ANTXR2: variants seen among roughly 807,000 people sequenced by gnomAD.
ANTXR2 encodes the protein anthrax toxin receptor 2.
ANTXR2 carries 44 observed loss-of-function variants against 73.7 expected under a neutral mutation model. The ratio of observed to expected loss-of-function variants is 0.60; its 90% CI spans 0.47 to 0.77. ANTXR2 has a LOEUF of 0.77. Ranked by LOEUF, ANTXR2 falls within the 30% of genes least tolerant of loss-of-function variation. The pLI, the probability that ANTXR2 is intolerant of heterozygous loss-of-function variation, is 0.00. For synonymous variants in ANTXR2, 217 were observed against 205.9 expected (o/e 1.05, Z -0.46); for missense variants, 604 against 592.5 (o/e 1.02, Z -0.20).
At position 80,054,295 on chromosome 4, in the gene ANTXR2, C is replaced by A. The variant is rs781512521; in HGVS notation, c.613G>T (p.Ala205Ser). ...QVFPVKGGFQ[A>S]LKGIINSILA... ...ACAGAATTAATTATTCCTTTAAGAG[C>A]CTGAAATCCACCTTTGACAGGGAAA... The change falls in exon 7 of 17, where the codon GCT (alanine) becomes TCT (serine). Residue 205 changes from alanine (A) to serine (S), a missense_variant. Ala to Ser is a moderately conservative substitution (Grantham distance 99). Transcript: ENST00000403729. 1.9e-6 allele frequency: 3 copies of A among 1,598,306 alleles called. No homozygotes were observed. The highest frequency in any genetic ancestry group is 3.4e-5 in the Admixed American group (2 of 57,976).
intron 12 of ANTXR2, among the ~76,000 whole-genome samples, chr4:80,006,760 C>T (rs766985937): frequency 3.3e-5 from 5 of 152,052 alleles, no homozygotes; most frequent in Admixed American, 6.6e-5. Context: ...TATTTGAGCA[C>T]ATTTCATTTT....
At position 80,072,651 on chromosome 4, in the gene ANTXR2, T is replaced by C; in HGVS notation, c.-91A>G. ...GTGGCGGGAGTCACCCGGCACGCAC[T>C]CTGGGGTGGGGGGCGGCGAGCAGCT... On this transcript the variant is annotated 5_prime_UTR_variant, in exon 1 of 17. Transcript: ENST00000403729. 1 of 1,345,148 alleles carries C rather than the reference T, an allele frequency of 7.4e-7. No individual in the cohort carries two copies. The highest frequency in any genetic ancestry group is 9.5e-7 in the Non-Finnish European group (1 of 1,051,084). The allele number at this position is 1,345,148 out of a possible 1,614,324, so 83.3% of individuals were successfully genotyped here. A position where few individuals can be genotyped will look rare whatever the true frequency, so the allele number is the denominator to read the frequency against.
chr4:79,903,771 ATG>A lies in ANTXR2; in HGVS notation c.*3656_*3657del, dbSNP rs1305162449. On this transcript the variant is annotated 3_prime_UTR_variant, in exon 17 of 17. Coordinates refer to ENST00000403729, the MANE Select transcript of ANTXR2 (RefSeq NM_058172.6). Reference sequence around the variant, plus strand: ...CACCTGCCTGTTTCTTTCCTTAACTATGTAACAGATGTACCAAGAGTTATTCT... The same window carrying A: ...CACCTGCCTGTTTCTTTCCTTAACTATAACAGATGTACCAAGAGTTATTCT... 1.3e-5 allele frequency: 2 copies of A among 152,178 alleles called. No individual in the cohort carries two copies. The highest frequency in any genetic ancestry group is 2.9e-5 in the Non-Finnish European group (2 of 68,026). 9.4% of individuals were successfully genotyped at this position (152,178 alleles called of 1,614,324 possible).
intron 16 of ANTXR2, among the ~76,000 whole-genome samples, chr4:79,943,915 C>G (rs1008461802): frequency 6.7e-6 from 1 of 150,108 alleles, no homozygotes; most frequent in Non-Finnish European, 1.5e-5. Flanking sequence ...CAAAAGTTAT[C>G]ATGAGTTTGA....
rs1367541763 is a variant in ANTXR2 at position 80,023,164 on chromosome 4, T to C, written c.867-4188A>G. Among the ~76,000 whole-genome samples, 9 of 152,352 alleles carry C rather than the reference T, an allele frequency of 5.9e-5. No individual in the cohort carries two copies. The South Asian group carries it at 1.4e-3, about 25-fold the overall frequency. ...TTAATTTCTATTCTGCTCACTGCCATATAAAAATATTGTAAGCTAAATTGT... is the reference window on the plus strand; with the variant it reads ...TTAATTTCTATTCTGCTCACTGCCACATAAAAATATTGTAAGCTAAATTGT... On this transcript the variant is annotated intron_variant, in intron 10 of 16. Coordinates refer to ENST00000403729, the MANE Select transcript of ANTXR2 (RefSeq NM_058172.6).
chr4:79,949,313 T>C (rs1728621736), intron 16 of ANTXR2, among the ~76,000 whole-genome samples: 1 of 152,164 alleles, frequency 6.6e-6, no homozygotes, highest in Non-Finnish European at 1.5e-5. Flanking sequence ...ATTATTCCAA[T>C]GCAAGACATT....
In ANTXR2 at chr4:79,946,583, G is replaced by C. The variant is rs72871883; in HGVS notation, c.1428+31038C>G. Reference sequence around the variant, plus strand: ...GGGTGGAGGGGAATTTCCTGAAGAGGGGCTCAACTGCAAATTGTCAGTAGC... The same window carrying C: ...GGGTGGAGGGGAATTTCCTGAAGAGCGGCTCAACTGCAAATTGTCAGTAGC... On this transcript the variant is annotated intron_variant, in intron 16 of 16. Transcript: ENST00000403729. Among the ~76,000 whole-genome samples, 1,277 of 151,998 alleles carry C rather than the reference G, an allele frequency of 8.4e-3. 15 individuals are homozygous for C. Among genetic ancestry groups the C allele is most frequent in the African/African-American group, 0.029 (1,209 of 41,438 alleles).
In ANTXR2 at chr4:79,907,088, T is replaced by C. The variant is rs1353513758; in HGVS notation, c.*341A>G. The C allele has an allele frequency of 1.6e-5, 5 of 306,262 alleles. No homozygotes were observed. The highest frequency in any genetic ancestry group is 3.0e-5 in the Non-Finnish European group (5 of 167,142). The allele number at this position is 306,262 out of a possible 1,614,324, so 19.0% of individuals were successfully genotyped here. A position where few individuals can be genotyped will look rare whatever the true frequency, so the allele number is the denominator to read the frequency against. ...TTTTGTGGTCCTTGTTTTGGTATCA[T>C]CTTCGTGTTGTTGCTGTTGTTGCTT... On this transcript the variant is annotated 3_prime_UTR_variant, in exon 17 of 17. Coordinates refer to ENST00000403729, the MANE Select transcript of ANTXR2 (RefSeq NM_058172.6).
In ANTXR2 at chr4:79,905,000, C is replaced by T. The variant is rs995476496; in HGVS notation, c.*2429G>A. On this transcript the variant is annotated 3_prime_UTR_variant, in exon 17 of 17. Transcript: ENST00000403729. ...CAGATCTGGTTCATATCTTTAAGGG[C>T]AATGAAATTCCATCAGTCTTTGAAC... 6.6e-6 allele frequency: 1 copy of T among 152,070 alleles called. No individual in the cohort carries two copies. Among genetic ancestry groups the T allele is most frequent in the Non-Finnish European group, 1.5e-5 (1 of 68,008 alleles). The allele number at this position is 152,070 out of a possible 1,614,324, so 9.4% of individuals were successfully genotyped here.
At chr4:79,933,037 C>G (rs1728121704) in intron 16 of ANTXR2, among the ~76,000 whole-genome samples, 1 of 152,066 alleles carries the variant, frequency 6.6e-6, no homozygotes, top group Non-Finnish European at 1.5e-5. Flanking sequence ...ACAATACCCC[C>G]ACTTAAAATA....
intron 7 of ANTXR2, among the ~76,000 whole-genome samples, chr4:80,051,232 C>T (rs1238288354): frequency 1.1e-4 from 16 of 151,626 alleles, no homozygotes; most frequent in African/African-American, 2.4e-5. Context: ...ATTTCTTATC[C>T]CCTAAGGTGA....
chr4:80,061,468 A>C (rs757751940), intron 3 of ANTXR2, among the ~76,000 whole-genome samples: 3 of 152,196 alleles, frequency 2.0e-5, no homozygotes, highest in Non-Finnish European at 4.4e-5. Context: ...ATAGATTATT[A>C]GCCACAGACT....
intron 7 of ANTXR2, among the ~76,000 whole-genome samples, chr4:80,036,725 C>CA (rs1180797671): frequency 2.6e-5 from 4 of 152,026 alleles, no homozygotes; most frequent in Admixed American, 2.0e-4. Flanking sequence ...CGCTTTAACA[C>CA]AGCAATGAGC....
In ANTXR2 at chr4:79,983,968, C is replaced by T. The variant is rs1291716578; in HGVS notation, c.1089G>A (p.Glu363=). 6.3e-7 allele frequency: 1 copy of T among 1,581,002 alleles called. No homozygotes were observed. Residue 363 remains glutamate (E), a splice_region_variant and synonymous_variant, in exon 14 of 17, where the codon GAG becomes GAA. Coordinates refer to ENST00000403729, the MANE Select transcript of ANTXR2 (RefSeq NM_058172.6). ...PPPPAPAPKE[E]EEEPLPTKKW... is the part of the protein sequence containing the mutation. The stretch of plus-strand genomic sequence containing the variant: ...TTTTAGTAGGCAAAGGTTCTTCTTC[C>T]TCCTGTGGAAATATGTTTTATAAAT...
chr4:79,924,650 G>A (rs1033118345), intron 16 of ANTXR2, among the ~76,000 whole-genome samples: 2 of 152,026 alleles, frequency 1.3e-5, no homozygotes, highest in Non-Finnish European at 2.9e-5. Flanking sequence ...TAACTCCATG[G>A]CAGGACTAGA....
At chr4:79,979,454 G>A (rs867835662) in intron 14 of ANTXR2, among the ~76,000 whole-genome samples, 4 of 152,116 alleles carry the variant, frequency 2.6e-5, no homozygotes, top group Middle Eastern at 3.4e-3. Flanking sequence ...ATCTGAATTA[G>A]TGGGTAGGGA....
In ANTXR2 at chr4:79,902,505, C is replaced by T. The variant is rs918762509; in HGVS notation, c.*4924G>A. 2.0e-5 allele frequency: 3 copies of T among 152,194 alleles called. No homozygotes were observed. Among genetic ancestry groups the T allele is most frequent in the Non-Finnish European group, 2.9e-5 (2 of 67,994 alleles). The allele number at this position is 152,194 out of a possible 1,614,324, so 9.4% of individuals were successfully genotyped here. Reference sequence around the variant, plus strand: ...TTATTAAAACTGGGAGCATAAATATCTCCTAACAATCTCTGTGCTTCTTTA... The same window carrying T: ...TTATTAAAACTGGGAGCATAAATATTTCCTAACAATCTCTGTGCTTCTTTA... On this transcript the variant is annotated 3_prime_UTR_variant, in exon 17 of 17. Coordinates refer to ENST00000403729, the MANE Select transcript of ANTXR2 (RefSeq NM_058172.6).
chr4:80,068,224 T>G (rs560747623), intron 3 of ANTXR2, among the ~76,000 whole-genome samples: 148 of 152,330 alleles, frequency 9.7e-4, no homozygotes, highest in African/African-American at 3.5e-3. Flanking sequence ...AAGGGAAAAC[T>G]TAATTTACAA....
At chr4:80,011,164 A>G (rs528369463) in intron 11 of ANTXR2, among the ~76,000 whole-genome samples, 2 of 152,148 alleles carry the variant, frequency 1.3e-5, no homozygotes, top group South Asian at 4.1e-4. Context: ...TAAATTAAAT[A>G]AATTAATTAA....
Sources: gnomAD v4.1 joint callset for allele counts (sites outside exome capture counted in the v4.1 genomes callset) on GRCh38, gnomAD v4.1.1 for gene constraint, MANE v1.5 for transcripts, NCBI Gene and HGNC (gene_info 2026-07-23, HGNC 2026-07-21) for gene names.